Variants in ASTN2 observed in about 807,000 individuals in gnomAD.
ASTN2 encodes the protein astrotactin 2, also known as astrotactin-2.
In ASTN2, 54 loss-of-function variants were observed where a neutral mutation model predicts 139.8. That is an observed-to-expected ratio of 0.39 (90% CI 0.31 to 0.48). The LOEUF (loss-of-function observed/expected upper bound fraction) is 0.48, where lower values mean the gene tolerates loss of function less well. ASTN2 is among the 20% of genes least tolerant of loss of function. The pLI is 0.95. For synonymous variants in ASTN2, 756 were observed against 719.5 expected (o/e 1.05, Z -0.81); for missense variants, 1,565 against 1,725.1 (o/e 0.91, Z 1.64).
At chr9:117,007,307 T>C (rs752385585) in intron 7 of ASTN2, among the ~76,000 whole-genome samples, 2 of 152,164 alleles carry the variant, frequency 1.3e-5, no homozygotes, top group African/African-American at 2.4e-5. Flanking sequence ...AGTCATATAA[T>C]TTACCTGCTT....
chr9:116,506,520 C>G (rs1850115747), intron 19 of ASTN2, among the ~76,000 whole-genome samples: 1 of 152,146 alleles, frequency 6.6e-6, no homozygotes, highest in South Asian at 2.1e-4. Flanking sequence ...ATGTTCTCCA[C>G]CCAGACATAG....
At chr9:116,850,133 C>T (rs1222262212) in intron 11 of ASTN2, among the ~76,000 whole-genome samples, 1 of 152,120 alleles carries the variant, frequency 6.6e-6, no homozygotes, top group African/African-American at 2.4e-5. Context: ...GATGGGAATC[C>T]AGGATCAACT....
chr9:117,223,168 T>C (rs940007931), intron 2 of ASTN2, among the ~76,000 whole-genome samples: 2 of 152,040 alleles, frequency 1.3e-5, no homozygotes, highest in Non-Finnish European at 2.9e-5. Context: ...GATGGGGAGA[T>C]TGAAAACAGG....
chr9:116,721,967 A>G (rs1413881266), intron 16 of ASTN2, among the ~76,000 whole-genome samples: 3 of 152,148 alleles, frequency 2.0e-5, no homozygotes, highest in Non-Finnish European at 4.4e-5. Context: ...TTACCAACTG[A>G]TCATCTCAAT....
In ASTN2 at chr9:116,927,698, C is replaced by T. The variant is rs1443718851; in HGVS notation, c.1889+47510G>A. On this transcript the variant is annotated intron_variant, in intron 10 of 22. Transcript: ENST00000313400. ...GGCTCCAAACTCTCATGTGCCTGAG[C>T]GCCAGCTCCCTCTCTAAACATAAGC... Among the ~76,000 whole-genome samples, 3 of 152,130 alleles carry T rather than the reference C, an allele frequency of 2.0e-5. No homozygotes were observed. In the East Asian group the frequency reaches 5.8e-4, roughly 29 times the overall value.
At chr9:116,470,554 G>A (rs1848782093) in intron 20 of ASTN2, among the ~76,000 whole-genome samples, 1 of 152,134 alleles carries the variant, frequency 6.6e-6, no homozygotes, top group African/African-American at 2.4e-5. Context: ...TGAGAAGGGT[G>A]GATGGATTAA....
At chr9:116,995,823 T>C (rs1836997498) in intron 7 of ASTN2, among the ~76,000 whole-genome samples, 1 of 152,092 alleles carries the variant, frequency 6.6e-6, no homozygotes, top group African/African-American at 2.4e-5. Context: ...CTTCTGACAT[T>C]TTATTTTTAT....
chr9:116,480,226 G>A (rs568557794), intron 20 of ASTN2, among the ~76,000 whole-genome samples: 2 of 151,816 alleles, frequency 1.3e-5, no homozygotes, highest in Non-Finnish European at 2.9e-5. Context: ...AAGAAGGAGG[G>A]AGCCAAGAGA....
chr9:116,816,972 A>T (rs1004884303), intron 12 of ASTN2, among the ~76,000 whole-genome samples: 2 of 152,078 alleles, frequency 1.3e-5, no homozygotes, highest in African/African-American at 4.8e-5. Flanking sequence ...TGCAACATTC[A>T]GCCAATATTT....
chr9:117,234,829 G>T (rs1183538761), intron 2 of ASTN2, among the ~76,000 whole-genome samples: 1 of 152,182 alleles, frequency 6.6e-6, no homozygotes. Flanking sequence ...CCATTTCAAG[G>T]TGTGTTTCCA....
intron 7 of ASTN2, among the ~76,000 whole-genome samples, chr9:117,003,953 C>CGCGCGTGTGTGT (rs1218309835): frequency 2.5e-4 from 36 of 146,286 alleles, no homozygotes; most frequent in African/African-American, 7.3e-4. Context: ...CGCGCGCGCG[C>CGCGCGTGTGTGT]GTGTGTGTGT....
intron 19 of ASTN2, among the ~76,000 whole-genome samples, chr9:116,592,353 G>A (rs1854411188): frequency 6.6e-6 from 1 of 152,102 alleles, no homozygotes; most frequent in African/African-American, 2.4e-5. Flanking sequence ...TTACATGGTT[G>A]GAGCAGGAGG....
intron 16 of ASTN2, among the ~76,000 whole-genome samples, chr9:116,721,184 A>G (rs1452943086): frequency 1.3e-5 from 2 of 152,226 alleles, no homozygotes; most frequent in Non-Finnish European, 2.9e-5. Context: ...TGCATTTTGC[A>G]TATGGAAAAA....
intron 6 of ASTN2, among the ~76,000 whole-genome samples, chr9:117,018,920 T>A (rs1455674793): frequency 1.3e-5 from 2 of 152,128 alleles, no homozygotes; most frequent in African/African-American, 4.8e-5. Flanking sequence ...TAACTGTACA[T>A]GTCCTAAATT....
At chr9:117,349,785 T>G (rs572345212) in intron 1 of ASTN2, among the ~76,000 whole-genome samples, 14 of 152,254 alleles carry the variant, frequency 9.2e-5, no homozygotes, top group African/African-American at 3.4e-4. Flanking sequence ...CAGGATGATA[T>G]CAGAGACTCC....
At chr9:117,115,093 G>C (rs893658935) in intron 4 of ASTN2, among the ~76,000 whole-genome samples, 13 of 152,192 alleles carry the variant, frequency 8.5e-5, no homozygotes, top group African/African-American at 3.1e-4. Context: ...CAAAGGAAAA[G>C]GTTGTTGCTT....
At chr9:116,585,972 A>T (rs1380882164) in intron 19 of ASTN2, 1 of 152,054 alleles carries the variant, frequency 6.6e-6, no homozygotes, top group African/African-American at 2.4e-5. Context: ...TAACTCCAAT[A>T]AAAAAATGGG....
At chr9:116,519,498 T>C (rs1184811789) in intron 19 of ASTN2, among the ~76,000 whole-genome samples, 1 of 152,008 alleles carries the variant, frequency 6.6e-6, no homozygotes, top group Non-Finnish European at 1.5e-5. Flanking sequence ...ACCTCTGGGA[T>C]ACAGCAAAAG....
chr9:117,414,394 G>A lies in ASTN2; in HGVS notation c.442+103C>T, dbSNP rs1564192055. The A allele has an allele frequency of 6.5e-7, 1 of 1,535,700 alleles. No homozygotes were observed. Among genetic ancestry groups the A allele is most frequent in the African/African-American group, 1.4e-5 (1 of 70,458 alleles). Reference sequence around the variant, plus strand: ...CTCTACCCTCTGCCAACCCCACTCGGGGCAGCCCCGGGCAGGGATCCCCAG... The same window carrying A: ...CTCTACCCTCTGCCAACCCCACTCGAGGCAGCCCCGGGCAGGGATCCCCAG... On this transcript the variant is annotated intron_variant, in intron 1 of 22. Coordinates refer to ENST00000313400, the MANE Select transcript of ASTN2 (RefSeq NM_001365068.1). The surrounding 1 kb of genome is among the most constrained non-coding windows in gnomAD (Gnocchi z 4.2).
Sources: allele counts gnomAD v4.1 joint callset (sites outside exome capture counted in the v4.1 genomes callset), GRCh38; gene constraint gnomAD v4.1.1; non-coding constraint Gnocchi (gnomAD v3.1); transcripts MANE v1.5; gene names NCBI Gene and HGNC (gene_info 2026-07-23, HGNC 2026-07-21).